The following COX15 variants were observed in gnomAD, a reference collection of about 807,000 sequenced individuals.
The protein encoded by COX15 is cytochrome c oxidase assembly factor COX15, also known as heme A synthase COX15.
In COX15, 51 loss-of-function variants were observed where a neutral mutation model predicts 51.9. The ratio of observed to expected loss-of-function variants is 0.98; its 90% CI spans 0.78 to 1.24. The LOEUF (loss-of-function observed/expected upper bound fraction) is 1.24. COX15 is among the 50% of genes most tolerant of loss of function. COX15 has a pLI of 0.00. For synonymous variants in COX15, 188 were observed against 190.5 expected (o/e 0.99, Z 0.11); for missense variants, 420 against 501.1 (o/e 0.84, Z 1.55).
At chr10:99,720,675 T>C (rs760740514) in intron 6 of COX15, among the ~76,000 whole-genome samples, 6 of 152,232 alleles carry the variant, frequency 3.9e-5, no homozygotes, top group African/African-American at 2.4e-5. Context: ...CTCCATTTTA[T>C]AGATAAGGTC....
At chr10:99,710,250 A>C (rs1156659581), downstream of COX15, 1 of 985,234 alleles carries the variant, frequency 1.0e-6, no homozygotes, top group Non-Finnish European at 1.2e-6. Flanking sequence ...TAGCTTCATA[A>C]ATGTTTTTCT....
rs1385192988 is a variant in COX15, at chr10:99,713,833, G to A, written c.*754C>T. 1 of 392,106 alleles carries A rather than the reference G, an allele frequency of 2.6e-6. No homozygotes were observed. The highest frequency in any genetic ancestry group is 4.2e-6 in the Non-Finnish European group (1 of 240,958). The allele number at this position is 392,106 out of a possible 1,614,324, so 24.3% of individuals were successfully genotyped here. On this transcript the variant is annotated 3_prime_UTR_variant, in exon 9 of 9. Transcript: ENST00000016171. ...AAAAATACAAAATTAGCCAGGCATG[G>A]TGACTTGTGCCTGTAGTCCCAGCTA...
At chr10:99,704,807 C>G in the COX15 span, 1 of 880,186 alleles carries the variant, frequency 1.1e-6, no homozygotes, top group Non-Finnish European at 1.7e-6. Flanking sequence ...CTTGGAATTT[C>G]TACTTTACTT....
At chr10:99,702,509 C>G in the COX15 span, 1 of 1,544,368 alleles carries the variant, frequency 6.5e-7, no homozygotes, top group African/African-American at 1.4e-5. Context: ...TTTTGTCACA[C>G]AGATATCAGT....
chr10:99,702,566 C>T, the COX15 span: 1 of 1,612,528 alleles, frequency 6.2e-7, no homozygotes, highest in Non-Finnish European at 8.5e-7. Context: ...AAGGATTCCA[C>T]TTTCCCTATG....
the COX15 span, chr10:99,697,564 G>A: frequency 6.4e-6 from 1 of 155,092 alleles, no homozygotes; most frequent in African/African-American, 2.4e-5. Context: ...ATCTTGTGTA[G>A]CTGCCAGTCT....
the COX15 span, chr10:99,698,624 C>T: frequency 1.2e-6 from 2 of 1,614,196 alleles, no homozygotes; most frequent in Middle Eastern, 1.6e-4. Flanking sequence ...TGGAGAGGAA[C>T]AGCCAAGTCT....
At chr10:99,728,596 A>C (rs900116847) in intron 2 of COX15, among the ~76,000 whole-genome samples, 2 of 152,244 alleles carry the variant, frequency 1.3e-5, no homozygotes, top group Admixed American at 1.3e-4. Context: ...GGCAATGGTA[A>C]TTAATGGCTG....
the COX15 span, chr10:99,698,448 T>A: frequency 7.6e-7 from 1 of 1,317,540 alleles, no homozygotes; most frequent in Non-Finnish European, 1.0e-6. Context: ...TAGTAAGATA[T>A]TTCTGATGCA....
the COX15 span, chr10:99,698,664 T>C: frequency 6.2e-7 from 1 of 1,614,038 alleles, no homozygotes; most frequent in Admixed American, 1.7e-5. Context: ...AGACTGGGTG[T>C]CTTGTGGGGC....
rs992621124 is a variant in COX15 at position 99,712,829 on chromosome 10, C to T, written c.*1758G>A. ...CTACAGAACTAAAACTAACTTCCTG[C>T]AACTTTCATCCATTGCTGCCAGCTC... On this transcript the variant is annotated 3_prime_UTR_variant, in exon 9 of 9. Coordinates refer to ENST00000016171, the MANE Select transcript of COX15 (RefSeq NM_078470.6). 3.8e-5 allele frequency: 13 copies of T among 338,300 alleles called. No individual in the cohort carries two copies. The highest frequency in any genetic ancestry group is 6.1e-5 in the Admixed American group (1 of 16,508). 21.0% of individuals were successfully genotyped at this position (338,300 alleles called of 1,614,324 possible). A position where few individuals can be genotyped will look rare whatever the true frequency, so the allele number is the denominator to read the frequency against.
At chr10:99,727,620 G>A (rs1032749700) in intron 2 of COX15, 57 bp from the exon 3 acceptor site, 97 of 1,588,692 alleles carry the variant, frequency 6.1e-5, no homozygotes, top group Non-Finnish European at 8.1e-5. Flanking sequence ...ACTCACAAAA[G>A]GTTTATAGCA....
chr10:99,722,386 G>A (rs995382786), intron 5 of COX15, among the ~76,000 whole-genome samples: 1 of 152,132 alleles, frequency 6.6e-6, no homozygotes, highest in Admixed American at 6.5e-5. Context: ...GTAAATGTGT[G>A]AGTGTGTATG....
chr10:99,725,870 A>G (rs1391763161), intron 4 of COX15, among the ~76,000 whole-genome samples: 2 of 151,990 alleles, frequency 1.3e-5, no homozygotes, highest in African/African-American at 4.8e-5. Context: ...TAACTGACTC[A>G]TTTTCTTACC....
the COX15 span, among the ~76,000 whole-genome samples, chr10:99,702,013 C>T: frequency 6.6e-6 from 1 of 151,984 alleles, no homozygotes; most frequent in Non-Finnish European, 1.5e-5. Flanking sequence ...CGCGCCACTG[C>T]ACTCCAGCGT....
At chr10:99,704,358 A>C in the COX15 span, 1 of 1,223,690 alleles carries the variant, frequency 8.2e-7, no homozygotes, top group Non-Finnish European at 1.2e-6. Context: ...GATGGAATAA[A>C]TGTGATAACA....
At chr10:99,724,455 C>T (rs2036880781) in intron 4 of COX15, among the ~76,000 whole-genome samples, 1 of 152,194 alleles carries the variant, frequency 6.6e-6, no homozygotes, top group South Asian at 2.1e-4. Context: ...GCTGGTATTA[C>T]AGGCGTAAGC....
intron 8 of COX15, 82 bp from the exon 9 acceptor site, chr10:99,714,800 AC>A (rs2036515841): frequency 1.2e-6 from 2 of 1,600,876 alleles, no homozygotes; most frequent in African/African-American, 2.7e-5. Flanking sequence ...ATAACCACAC[AC>A]AAACCTCCAC....
chr10:99,696,249 A>T, the COX15 span: 1 of 1,105,936 alleles, frequency 9.0e-7, no homozygotes, highest in Admixed American at 2.6e-5. Flanking sequence ...TACCCCTGCC[A>T]ATGGGGTAGC....
Sources: allele counts gnomAD v4.1 joint callset (sites outside exome capture counted in the v4.1 genomes callset), GRCh38; gene constraint gnomAD v4.1.1; transcripts MANE v1.5; gene names NCBI Gene and HGNC (gene_info 2026-07-23, HGNC 2026-07-21).